The following ITGA4 variants were observed in gnomAD, a reference collection of about 807,000 sequenced individuals.
The protein encoded by ITGA4 is integrin subunit alpha 4.
A neutral mutation model predicts 133.6 loss-of-function variants in ITGA4; 63 were observed. The observed-to-expected ratio is 0.47, with a 90% CI of 0.38 to 0.58. The LOEUF is 0.58. ITGA4 is among the 20% of genes least tolerant of loss of function. ITGA4 has a pLI of 0.00. For missense variants in ITGA4, 1,076 were observed against 1,252.7 expected, an observed-to-expected ratio of 0.86 and a Z score of 2.13; for synonymous variants, 483 against 438.0, an observed-to-expected ratio of 1.10 and a Z score of -1.28.
intron 1 of ITGA4, 146 bp downstream of exon 1, chr2:181,457,997 C>T: frequency 1.8e-6 from 2 of 1,120,640 alleles, no homozygotes; most frequent in South Asian, 1.6e-5. Context: ...TGGAAATCTG[C>T]CAGGGAAACT....
chr2:181,457,465 C>A lies in ITGA4; in HGVS notation c.-190C>A. 1.7e-6 allele frequency: 1 copy of A among 574,548 alleles called. No homozygotes were observed. Among genetic ancestry groups the A allele is most frequent in the Non-Finnish European group, 3.0e-6 (1 of 332,482 alleles). The allele number at this position is 574,548 out of a possible 1,614,324, so 35.6% of individuals were successfully genotyped here. ...CCGGGCGAGTGCGCGGCATCCCAGG[C>A]CGGCCCGAACGCTCCGCCCGCGGTG... On this transcript the variant is annotated 5_prime_UTR_variant, in exon 1 of 28. Coordinates refer to ENST00000397033, the MANE Select transcript of ITGA4 (RefSeq NM_000885.6).
Position 181,534,887 on chromosome 2 carries a change from G to A in ITGA4, c.2955G>A (p.Leu985=), listed in dbSNP as rs1468779268. 3 of 1,597,300 alleles carry A rather than the reference G, an allele frequency of 1.9e-6. No individual in the cohort carries two copies. The highest frequency in any genetic ancestry group is 1.4e-5 in the African/African-American group (1 of 73,618). ...CCATAGTGATTATTTCAAGTAGCTT[G>A]CTACTTGGACTTATTGTACTTCTAT... The part of the protein sequence containing the change: ...YFTIVIISSS[L]LLGLIVLLLI... The change falls in exon 27 of 28, where the codon TTG becomes TTA. Residue 985 remains leucine (L), a synonymous_variant. Transcript: ENST00000397033.
Position 181,480,134 on chromosome 2 carries a change from C to A in ITGA4, c.625-3C>A. 2 of 1,521,480 alleles carry A rather than the reference C, an allele frequency of 1.3e-6. No homozygotes were observed. The highest frequency in any genetic ancestry group is 1.8e-6 in the Non-Finnish European group (2 of 1,138,790). The allele number at this position is 1,521,480 out of a possible 1,614,324, so 94.2% of individuals were successfully genotyped here. ...AATAATAATAGTTTTTTTTTTCTTA[C>A]AGGATTTAATTGTGATGGGGGCCCC... On this transcript the variant is annotated splice_region_variant and splice_polypyrimidine_tract_variant and intron_variant, in intron 5 of 27. Coordinates refer to ENST00000397033, the MANE Select transcript of ITGA4 (RefSeq NM_000885.6).
At chr2:181,525,080 C>T (rs1438976305) in intron 20 of ITGA4, 122 bp from the exon 21 acceptor site, 1 of 469,940 alleles carries the variant, frequency 2.1e-6, no homozygotes, top group Non-Finnish European at 3.8e-6. Flanking sequence ...CTTTTATCCC[C>T]ACTCCTCAAA....
In ITGA4 at chr2:181,522,303, C is replaced by A; in HGVS notation, c.2035C>A (p.Leu679Ile). The change falls in exon 18 of 28, where the codon CTA (leucine) becomes ATA (isoleucine). Residue 679 changes from leucine (L) to isoleucine (I), a missense_variant. Physicochemically the swap from Leu to Ile is conservative, Grantham distance 5 (BLOSUM62 2). Transcript: ENST00000397033. ...DAYETTLHVK[L>I]PVGLYFIKIL... Reference sequence around the variant, plus strand: ...ATATGAAACGACTCTACATGTCAAACTACCCGTGGGTCTTTATTTCATTAA... The same window carrying A: ...ATATGAAACGACTCTACATGTCAAAATACCCGTGGGTCTTTATTTCATTAA... 1 of 1,610,256 alleles carries A rather than the reference C, an allele frequency of 6.2e-7. No individual in the cohort carries two copies. The highest frequency in any genetic ancestry group is 8.5e-7 in the Non-Finnish European group (1 of 1,177,466).
rs142111987 is a variant in ITGA4 at position 181,516,193 on chromosome 2, C to T, written c.1922+4418C>T. 8.0e-4 allele frequency among the ~76,000 whole-genome samples: 121 copies of T among 152,050 alleles called. No homozygotes were observed. The highest frequency in any genetic ancestry group is 2.9e-3 in the South Asian group (14 of 4,812). On this transcript the variant is annotated intron_variant, in intron 17 of 27. Transcript: ENST00000397033. The surrounding 1 kb of genome is among the most constrained non-coding windows in gnomAD (Gnocchi z 4.0). ...TCCTTGAAACTCATGTAAATGATAC[C>T]GCAATACATTTCTGCACCTCAGTTG...
At position 181,497,210 on chromosome 2, in the gene ITGA4, A is replaced by G. The variant is rs113311835; in HGVS notation, c.1540+1273A>G. On this transcript the variant is annotated intron_variant, in intron 14 of 27. Coordinates refer to ENST00000397033, the MANE Select transcript of ITGA4 (RefSeq NM_000885.6). The stretch of plus-strand genomic sequence containing the variant: ...ACGCTCTTTCCTTTTACATAAAACT[A>G]GTGTTTCCTCTACTAACAATTCCAT... Among the ~76,000 whole-genome samples, 102 of 152,344 alleles carry G rather than the reference A, an allele frequency of 6.7e-4. 2 individuals carry two copies. The highest frequency in any genetic ancestry group is 2.4e-3 in the African/African-American group (99 of 41,584).
In ITGA4 at chr2:181,495,752, A is replaced by C. The variant is rs879192985; in HGVS notation, c.1386-31A>C. 1.3e-6 allele frequency: 2 copies of C among 1,589,678 alleles called. No homozygotes were observed. The highest frequency in any genetic ancestry group is 3.6e-5 in the Admixed American group (2 of 55,846). The stretch of plus-strand genomic sequence containing the variant: ...CTCCTTAAGGAAAAATAATTCTGCA[A>C]TTAACATTGCTACTTTTATTTCCTT... On this transcript the variant is annotated intron_variant, in intron 13 of 27. Transcript: ENST00000397033. The surrounding 1 kb of genome is among the most constrained non-coding windows in gnomAD (Gnocchi z 4.3).
intron 22 of ITGA4, 51 bp from the exon 23 acceptor site, chr2:181,529,490 T>TAA (rs764260760): frequency 1.1e-6 from 1 of 897,378 alleles, no homozygotes. Flanking sequence ...TATCTGTACT[T>TAA]ACATTTATAG....
chr2:181,537,607 G>GAAATTTAACATAAT lies in ITGA4; in HGVS notation c.*2081_*2094dup. On this transcript the variant is annotated 3_prime_UTR_variant, in exon 28 of 28. Coordinates refer to ENST00000397033, the MANE Select transcript of ITGA4 (RefSeq NM_000885.6). ...GTATTATATTTGTAACAGAATATAG[G>GAAATTTAACATAAT]AAATTTAACATAATTGATGAGCTCA... The GAAATTTAACATAAT allele has an allele frequency of 2.3e-6, 1 of 430,608 alleles. No homozygotes were observed. Among genetic ancestry groups the GAAATTTAACATAAT allele is most frequent in the Non-Finnish European group, 4.6e-6 (1 of 218,974 alleles). The allele number at this position is 430,608 out of a possible 1,614,324, so 26.7% of individuals were successfully genotyped here.
chr2:181,525,808 G>A (rs1686821785), intron 21 of ITGA4, among the ~76,000 whole-genome samples: 1 of 152,164 alleles, frequency 6.6e-6, no homozygotes, highest in African/African-American at 2.4e-5. Flanking sequence ...CACAGTATCA[G>A]AATTCATTGC....
intron 17 of ITGA4, among the ~76,000 whole-genome samples, chr2:181,520,000 C>T (rs1177156783): frequency 1.3e-5 from 2 of 152,100 alleles, no homozygotes; most frequent in East Asian, 1.9e-4. Flanking sequence ...TCTGAGAAAG[C>T]ATGTGAATCA....
chr2:181,465,002 C>T (rs1331041858), intron 2 of ITGA4, among the ~76,000 whole-genome samples: 1 of 152,032 alleles, frequency 6.6e-6, no homozygotes, highest in Non-Finnish European at 1.5e-5. Flanking sequence ...CAAAAATGTT[C>T]AGAAAATAGA....
At chr2:181,496,312 T>C (rs1364571250) in intron 14 of ITGA4, among the ~76,000 whole-genome samples, 1 of 152,140 alleles carries the variant, frequency 6.6e-6, no homozygotes, top group African/African-American at 2.4e-5. Flanking sequence ...AGCTCATGTC[T>C]ATAATCCCAG....
chr2:181,529,879 CAG>C (rs757558007), intron 23 of ITGA4, among the ~76,000 whole-genome samples: 28 of 152,142 alleles, frequency 1.8e-4, no homozygotes, highest in Non-Finnish European at 3.5e-4. Flanking sequence ...ATTTAAATAA[CAG>C]AACTATATTC....
intron 24 of ITGA4, 21 bp downstream of exon 24, chr2:181,530,670 T>C (rs200791729): frequency 2.2e-5 from 36 of 1,601,010 alleles, no homozygotes; most frequent in South Asian, 3.3e-5. Flanking sequence ...GTTTTTCAGG[T>C]TGTAGTTCCT....
At chr2:181,518,615 A>G (rs1180313138) in intron 17 of ITGA4, among the ~76,000 whole-genome samples, 1 of 151,840 alleles carries the variant, frequency 6.6e-6, no homozygotes, top group Non-Finnish European at 1.5e-5. Flanking sequence ...GATAGTACAT[A>G]TTTGAGTTTT....
intron 3 of ITGA4, 24 bp downstream of exon 3, chr2:181,475,090 G>C: frequency 6.2e-7 from 1 of 1,613,320 alleles, no homozygotes; most frequent in Non-Finnish European, 8.5e-7. Flanking sequence ...CTGGTCCACA[G>C]ATCCATCGTG....
chr2:181,496,462 T>C (rs1260765786), intron 14 of ITGA4, among the ~76,000 whole-genome samples: 1 of 152,088 alleles, frequency 6.6e-6, no homozygotes, highest in Non-Finnish European at 1.5e-5. Flanking sequence ...ATTAAAAAAA[T>C]TGAAGAAGCT....
Sources: allele counts gnomAD v4.1 joint callset (sites outside exome capture counted in the v4.1 genomes callset), GRCh38; gene constraint gnomAD v4.1.1; non-coding constraint Gnocchi (gnomAD v3.1); transcripts MANE v1.5; gene names NCBI Gene and HGNC (gene_info 2026-07-23, HGNC 2026-07-21).